The following UBE2O variants were observed in gnomAD, a reference collection of about 807,000 sequenced individuals.
UBE2O encodes the protein ubiquitin conjugating enzyme E2 O.
UBE2O carries 15 observed loss-of-function variants against 125.8 expected under a neutral mutation model. That is an observed-to-expected ratio of 0.12 (90% CI 0.08 to 0.18). The LOEUF is 0.18. Ranked by LOEUF, UBE2O falls within the 10% of genes least tolerant of loss-of-function variation. The pLI, the probability that UBE2O is intolerant of heterozygous loss-of-function variation, is 1.00. For missense variants in UBE2O, 1,280 were observed against 1,723.6 expected (o/e 0.74, Z 4.56); for synonymous variants, 708 against 703.2 (o/e 1.01, Z -0.11).
intron 1 of UBE2O, among the ~76,000 whole-genome samples, chr17:76,432,698 T>C (rs2072924854): frequency 6.6e-6 from 1 of 152,064 alleles, no homozygotes; most frequent in Non-Finnish European, 1.5e-5. Flanking sequence ...CGAGACTCCA[T>C]GGGAGAGAGG....
chr17:76,403,202 G>A (rs1311324267), intron 3 of UBE2O, among the ~76,000 whole-genome samples: 1 of 152,188 alleles, frequency 6.6e-6, no homozygotes, highest in East Asian at 1.9e-4. Flanking sequence ...GGAGAAGAAG[G>A]AAGAGGAGTC....
In UBE2O at chr17:76,406,761, G is replaced by A. The variant is rs567574928; in HGVS notation, c.418-1189C>T. On this transcript the variant is annotated intron_variant, in intron 1 of 17. Coordinates refer to ENST00000319380, the MANE Select transcript of UBE2O (RefSeq NM_022066.4). ...GTTGCCCAAACTGGAGTGCAATGGC[G>A]CAGTCTCGGCTCGCTGCAACCTTCG... 6.9e-3 allele frequency among the ~76,000 whole-genome samples: 980 copies of A among 141,734 alleles called. 9 individuals carry two copies. Among genetic ancestry groups the A allele is most frequent in the African/African-American group, 0.023 (892 of 37,974 alleles). 93.0% of individuals were successfully genotyped at this position (141,734 alleles called of 152,430 possible).
intron 1 of UBE2O, among the ~76,000 whole-genome samples, chr17:76,448,348 G>A (rs540465898): frequency 6.6e-6 from 1 of 152,262 alleles, no homozygotes; most frequent in East Asian, 1.9e-4. Context: ...ACATCACTAA[G>A]AACAATTGCT....
intron 1 of UBE2O, among the ~76,000 whole-genome samples, chr17:76,446,259 C>A (rs1209673913): frequency 6.6e-6 from 1 of 152,214 alleles, no homozygotes. Flanking sequence ...AGGGGACCGA[C>A]CACCAGCGGC....
intron 1 of UBE2O, among the ~76,000 whole-genome samples, chr17:76,422,101 A>G (rs1041641501): frequency 1.3e-5 from 2 of 152,148 alleles, no homozygotes; most frequent in Non-Finnish European, 2.9e-5. Flanking sequence ...TGAGACCTCT[A>G]TGTGTGATAA....
intron 15 of UBE2O, among the ~76,000 whole-genome samples, chr17:76,393,276 G>T (rs56276871): frequency 6.6e-6 from 1 of 151,118 alleles, no homozygotes; most frequent in Non-Finnish European, 1.5e-5. Flanking sequence ...TGGCTTATGT[G>T]TTTTTTTGAG....
At chr17:76,401,220 A>G in intron 5 of UBE2O, 66 bp from the exon 6 acceptor site, 1 of 1,572,382 alleles carries the variant, frequency 6.4e-7, no homozygotes, top group South Asian at 1.2e-5. Flanking sequence ...CATGCTCTCC[A>G]CGCCTGTGCC....
chr17:76,419,924 A>G (rs1179066582), intron 1 of UBE2O, among the ~76,000 whole-genome samples: 1 of 152,196 alleles, frequency 6.6e-6, no homozygotes, highest in Non-Finnish European at 1.5e-5. Flanking sequence ...GCTTGGCCCC[A>G]TTCCTCGGCC....
chr17:76,438,094 C>T (rs996191296), intron 1 of UBE2O, among the ~76,000 whole-genome samples: 1 of 152,188 alleles, frequency 6.6e-6, no homozygotes, highest in Non-Finnish European at 1.5e-5. Context: ...GTCTCTGCCA[C>T]GCTTCCCTCT....
intron 1 of UBE2O, among the ~76,000 whole-genome samples, chr17:76,407,736 C>T: frequency 6.6e-6 from 1 of 152,274 alleles, no homozygotes; most frequent in East Asian, 1.9e-4. Context: ...GGCATCATGG[C>T]AAGGCCAGAG....
intron 13 of UBE2O, 75 bp downstream of exon 13, chr17:76,397,724 G>C (rs531063527): frequency 2.7e-5 from 38 of 1,423,258 alleles, no homozygotes; most frequent in Non-Finnish European, 3.6e-5. Flanking sequence ...CCCATCTTCT[G>C]GCTACACGCC....
Position 76,401,106 on chromosome 17 carries a change from T to A in UBE2O, c.799A>T (p.Ile267Phe). The change falls in exon 6 of 18, where the codon ATT (isoleucine) becomes TTT (phenylalanine). Residue 267 changes from isoleucine to phenylalanine, a missense_variant. Ile to Phe is a conservative substitution (Grantham distance 21, BLOSUM62 0). Around this residue, in one of 10 missense-constraint regions of UBE2O, gnomAD observed 206 missense variants for 315.7 expected, o/e 0.65. Coordinates refer to ENST00000319380, the MANE Select transcript of UBE2O (RefSeq NM_022066.4). ...CTGGAGAAGATCTTGGCAGGGCCAA[T>A]GAGCACCTGGCCTGGGTAGAAGCCA... is the stretch of plus-strand genomic sequence containing the variant. ...SYGFYPGQVL[I>F]GPAKIFSSVQ... 6.2e-7 allele frequency: 1 copy of A among 1,613,842 alleles called. No individual in the cohort carries two copies. The highest frequency in any genetic ancestry group is 1.1e-5 in the South Asian group (1 of 91,088).
intron 1 of UBE2O, among the ~76,000 whole-genome samples, chr17:76,444,994 G>A (rs767347470): frequency 2.4e-4 from 36 of 152,164 alleles, no homozygotes; most frequent in Admixed American, 4.6e-4. Flanking sequence ...TGAATCTGCC[G>A]GTCAAGGTAT....
chr17:76,406,702 T>TTTG (rs1196249081), intron 1 of UBE2O, among the ~76,000 whole-genome samples: 14 of 133,284 alleles, frequency 1.1e-4, no homozygotes, highest in African/African-American at 4.1e-4. Context: ...GTTTTTTTTT[T>TTTG]TTTTTTTTTT....
chr17:76,426,566 A>T (rs930040611), intron 1 of UBE2O, among the ~76,000 whole-genome samples: 1 of 152,194 alleles, frequency 6.6e-6, no homozygotes, highest in Non-Finnish European at 1.5e-5. Flanking sequence ...TGAGTTTGAA[A>T]GCTTTAAACA....
At chr17:76,448,410 G>A (rs560675810) in intron 1 of UBE2O, among the ~76,000 whole-genome samples, 1 of 152,316 alleles carries the variant, frequency 6.6e-6, no homozygotes, top group South Asian at 2.1e-4. Flanking sequence ...GTGCCATGAT[G>A]CTACACCTAA....
At position 76,395,859 on chromosome 17, in the gene UBE2O, T is replaced by G; in HGVS notation, c.2812A>C (p.Asn938His). Residue 938 changes from asparagine to histidine, a missense_variant and splice_region_variant, in exon 15 of 18, where the codon AAT becomes CAT. Physicochemically the swap from Asn to His is moderately conservative, Grantham distance 68 (BLOSUM62 1). This residue lies in a region of UBE2O where 116 missense variants were observed against 154.8 expected (regional missense o/e 0.75). Transcript: ENST00000319380. The surrounding 1 kb of genome is among the most constrained non-coding windows in gnomAD (Gnocchi z 5.0). ...AACTCAATTTTCTTAAAAGAATGAT[T>G]TGCTAGAGGGGGGAAGAGAATAGTC... is the stretch of plus-strand genomic sequence containing the variant. ...VFSVLEFAPS[N>H]HSFKKIEFQP... 6.2e-7 allele frequency: 1 copy of G among 1,614,122 alleles called. No individual in the cohort carries two copies. The highest frequency in any genetic ancestry group is 8.5e-7 in the Non-Finnish European group (1 of 1,180,028).
Position 76,401,468 on chromosome 17 carries a change from C to A in UBE2O, c.751-314G>T, listed in dbSNP as rs182728614. ...GTTTGCTCACGCACCCCCTGTATAT[C>A]TACTTGTTTGCTGTGTGTGTCCATG... On this transcript the variant is annotated intron_variant, in intron 5 of 17. Coordinates refer to ENST00000319380, the MANE Select transcript of UBE2O (RefSeq NM_022066.4). 1.5e-3 allele frequency among the ~76,000 whole-genome samples: 236 copies of A among 152,306 alleles called. 3 individuals are homozygous for A. Among genetic ancestry groups the A allele is most frequent in the Middle Eastern group, 6.8e-3 (2 of 294 alleles).
rs539079928 is a variant in UBE2O at position 76,410,478 on chromosome 17, T to C, written c.418-4906A>G. 2.1e-4 allele frequency among the ~76,000 whole-genome samples: 32 copies of C among 152,176 alleles called. No individual in the cohort carries two copies. Among genetic ancestry groups the C allele is most frequent in the African/African-American group, 7.2e-4 (30 of 41,516 alleles). ...AATGGCGTGGCCAACGCACCCGCAG[T>C]GCCACAGCTGAGAAGCCCTGAAGGT... On this transcript the variant is annotated intron_variant, in intron 1 of 17. Coordinates refer to ENST00000319380, the MANE Select transcript of UBE2O (RefSeq NM_022066.4). This position sits in a 1 kb window ranked among gnomAD's most constrained non-coding sequence, Gnocchi z 4.0.
Sources: allele counts gnomAD v4.1 joint callset (sites outside exome capture counted in the v4.1 genomes callset), GRCh38; gene constraint gnomAD v4.1.1; regional missense constraint gnomAD v4.1.1; non-coding constraint Gnocchi (gnomAD v3.1); transcripts MANE v1.5; gene names NCBI Gene and HGNC (gene_info 2026-07-23, HGNC 2026-07-21).